PLPP4: variants seen among roughly 807,000 people sequenced by gnomAD.
PLPP4 encodes the protein diacylglycerol pyrophosphate like 2.
A neutral mutation model predicts 32.2 loss-of-function variants in PLPP4; 20 were observed. That is an observed-to-expected ratio of 0.62 (90% confidence interval 0.44 to 0.90). PLPP4 has a LOEUF of 0.90. Ranked by LOEUF, PLPP4 falls within the 40% of genes least tolerant of loss-of-function variation. PLPP4 has a pLI of 0.00. For synonymous variants in PLPP4, 127 were observed against 133.0 expected (o/e 0.95, Z 0.31); for missense variants, 257 against 353.1 (o/e 0.73, Z 2.18).
At chr10:120,547,073 G>A (rs957431973) in intron 5 of PLPP4, among the ~76,000 whole-genome samples, 4 of 151,988 alleles carry the variant, frequency 2.6e-5, no homozygotes, top group Non-Finnish European at 5.9e-5. Context: ...TTAAAAAATA[G>A]ATGTTCCTGA....
intron 1 of PLPP4, among the ~76,000 whole-genome samples, chr10:120,487,718 A>T (rs565507000): frequency 9.2e-5 from 14 of 152,300 alleles, no homozygotes; most frequent in Non-Finnish European, 1.8e-4. Flanking sequence ...GGGGAGATTC[A>T]TAGCATTTGG....
chr10:120,580,004 C>G (rs12259494), intron 6 of PLPP4, among the ~76,000 whole-genome samples: 15 of 149,732 alleles, frequency 1.0e-4, no homozygotes, highest in Admixed American at 2.0e-4. Context: ...CCTGTAGTCC[C>G]AGCTACTCGG....
chr10:120,457,851 C>T (rs745810297), intron 1 of PLPP4, among the ~76,000 whole-genome samples: 5 of 152,196 alleles, frequency 3.3e-5, no homozygotes, highest in Non-Finnish European at 7.3e-5. Context: ...GTTTTCCCAG[C>T]GGGCGTTTGC....
intron 2 of PLPP4, among the ~76,000 whole-genome samples, chr10:120,508,423 T>A (rs1057151745): frequency 5.3e-5 from 8 of 152,218 alleles, no homozygotes; most frequent in Non-Finnish European, 1.0e-4. Context: ...TTGTTTTGTC[T>A]GTTGTGAATA....
intron 5 of PLPP4, among the ~76,000 whole-genome samples, chr10:120,548,403 A>G (rs530943208): frequency 1.3e-5 from 2 of 152,194 alleles, no homozygotes; most frequent in Non-Finnish European, 1.5e-5. Flanking sequence ...TGCAAAGGAC[A>G]TGATCTCATT....
intron 5 of PLPP4, among the ~76,000 whole-genome samples, chr10:120,545,102 G>A (rs535390699): frequency 6.6e-6 from 1 of 152,312 alleles, no homozygotes; most frequent in South Asian, 2.1e-4. Flanking sequence ...ATCTTTATAG[G>A]GCTGCCAGTT....
chr10:120,577,101 G>A (rs1362663825), intron 6 of PLPP4, among the ~76,000 whole-genome samples: 1 of 152,224 alleles, frequency 6.6e-6, no homozygotes, highest in African/African-American at 2.4e-5. Context: ...CTACACACAT[G>A]CAAAGTGGTA....
intron 6 of PLPP4, among the ~76,000 whole-genome samples, chr10:120,577,747 C>T (rs1444735489): frequency 6.6e-6 from 1 of 152,170 alleles, no homozygotes. Flanking sequence ...GCCTAAGGAC[C>T]AGTTCAGCTC....
chr10:120,492,645 G>A (rs574405343), intron 1 of PLPP4, among the ~76,000 whole-genome samples: 54 of 152,280 alleles, frequency 3.5e-4, no homozygotes, highest in African/African-American at 1.2e-3. Flanking sequence ...ATCACACCAT[G>A]AGTAAGAGGC....
intron 5 of PLPP4, among the ~76,000 whole-genome samples, chr10:120,538,040 CTCTCTCTCTCTCTG>C (rs1847134036): frequency 4.3e-5 from 2 of 46,730 alleles, no homozygotes; most frequent in African/African-American, 1.5e-4. Context: ...CTCTCTCTCT[CTCTCTCTCTCTCTG>C]TGTGTGTGTG....
At chr10:120,474,813 T>C (rs1296867550) in intron 1 of PLPP4, among the ~76,000 whole-genome samples, 4 of 152,232 alleles carry the variant, frequency 2.6e-5, no homozygotes, top group African/African-American at 7.2e-5. Context: ...GGCAGAGGCA[T>C]AGTTAAGGCA....
chr10:120,501,005 GGA>G (rs1845225156), intron 1 of PLPP4, among the ~76,000 whole-genome samples: 1 of 152,070 alleles, frequency 6.6e-6, no homozygotes, highest in South Asian at 2.1e-4. Flanking sequence ...AGGTAAGAGG[GGA>G]GAGACTGTGT....
In PLPP4 at chr10:120,589,323, AT is replaced by A; in HGVS notation, c.638del (p.Ile213ThrfsTer35). The A allele has an allele frequency of 1.2e-6, 2 of 1,614,154 alleles. No homozygotes were observed. ...CCTAGATTCCTTTGTGGGTGGAGTC[AT>A]CGGCCTCATTTTTGCATACATTTGC... ...HWQDSFVGGV[I>X]GLIFAYICYR... On this transcript the variant is annotated frameshift_variant, in exon 7 of 7. Transcript: ENST00000398250. LOFTEE classifies it high-confidence loss of function.
intron 6 of PLPP4, chr10:120,580,999 C>T (rs1187932568): frequency 1.6e-6 from 2 of 1,284,306 alleles, no homozygotes; most frequent in African/African-American, 1.5e-5. Flanking sequence ...CATCTAAGTC[C>T]ACCCGCCTCT....
intron 2 of PLPP4, among the ~76,000 whole-genome samples, chr10:120,505,501 A>C (rs1041835681): frequency 6.6e-6 from 1 of 152,152 alleles, no homozygotes; most frequent in African/African-American, 2.4e-5. Flanking sequence ...TCATAGACAC[A>C]CCGGGAACAT....
At chr10:120,461,769 A>T (rs1315399533) in intron 1 of PLPP4, among the ~76,000 whole-genome samples, 2 of 152,158 alleles carry the variant, frequency 1.3e-5, no homozygotes, top group Non-Finnish European at 2.9e-5. Flanking sequence ...TTGCCTCCAA[A>T]CATTTCTCTT....
intron 5 of PLPP4, among the ~76,000 whole-genome samples, chr10:120,535,345 C>G (rs1454574363): frequency 6.6e-6 from 1 of 151,772 alleles, no homozygotes; most frequent in Non-Finnish European, 1.5e-5. Context: ...ATTTTACTCT[C>G]TTGACATTTA....
chr10:120,550,294 GACTT>G (rs1346614976), intron 5 of PLPP4, among the ~76,000 whole-genome samples: 7 of 151,944 alleles, frequency 4.6e-5, no homozygotes, highest in South Asian at 2.1e-4. Flanking sequence ...AGCTAAATAA[GACTT>G]AAATAAGTGG....
chr10:120,509,718 T>A (rs1845649921), intron 2 of PLPP4, among the ~76,000 whole-genome samples: 1 of 152,216 alleles, frequency 6.6e-6, no homozygotes. Flanking sequence ...ATGGGAATAA[T>A]ATTTTCCATA....
Sources: gnomAD v4.1 joint callset for allele counts (sites outside exome capture counted in the v4.1 genomes callset) on GRCh38, gnomAD v4.1.1 for gene constraint, MANE v1.5 for transcripts, NCBI Gene and HGNC (gene_info 2026-07-23, HGNC 2026-07-21) for gene names.